Variants in AGPAT4 observed in about 807,000 individuals in gnomAD.
AGPAT4 encodes 1-acylglycerol-3-phosphate O-acyltransferase 4.
In AGPAT4, 15 loss-of-function variants were observed where a neutral mutation model predicts 48.0. The observed-to-expected ratio is 0.31, with a 90% CI of 0.21 to 0.48. AGPAT4 has a LOEUF of 0.48. Among genes scored for constraint, AGPAT4 ranks in the 20% least tolerant of loss-of-function variants. The probability of loss-of-function intolerance (pLI) is 0.99; values close to 1 mark genes in which losing one functional copy is unlikely to be tolerated. For missense variants in AGPAT4, 314 were observed against 482.5 expected, an observed-to-expected ratio of 0.65 and a Z score of 3.27; for synonymous variants, 178 against 198.7, an observed-to-expected ratio of 0.90 and a Z score of 0.88.
Position 161,222,141 on chromosome 6 carries a change from C to T in AGPAT4, c.178+9895G>A, listed in dbSNP as rs1352372062. ...GTCACCCCTGGTCTCAGGGCCTCTG[C>T]CACACCCAGCCTGGAAGATGCAGTC... On this transcript the variant is annotated intron_variant, in intron 2 of 8. Transcript: ENST00000320285. This position sits in a 1 kb window ranked among gnomAD's most constrained non-coding sequence, Gnocchi z 5.9. Among the ~76,000 whole-genome samples, 1 of 152,226 alleles carries T rather than the reference C, an allele frequency of 6.6e-6. No individual in the cohort carries two copies. Among genetic ancestry groups the T allele is most frequent in the African/African-American group, 2.4e-5 (1 of 41,458 alleles).
Position 161,234,064 on chromosome 6 carries a change from G to A in AGPAT4, c.-89-1762C>T, listed in dbSNP as rs904961202. Among the ~76,000 whole-genome samples, 4 of 152,122 alleles carry A rather than the reference G, an allele frequency of 2.6e-5. No homozygotes were observed. The highest frequency in any genetic ancestry group is 5.9e-5 in the Non-Finnish European group (4 of 68,030). ...GTGTTCTGCTCCTGAGATGTGAGGCGGGAGGTCTCTTGGGCTCACAACTCC... is the reference window on the plus strand; with the variant it reads ...GTGTTCTGCTCCTGAGATGTGAGGCAGGAGGTCTCTTGGGCTCACAACTCC... On this transcript the variant is annotated intron_variant, in intron 1 of 8. Transcript: ENST00000320285. The surrounding 1 kb of genome is among the most constrained non-coding windows in gnomAD (Gnocchi z 4.4).
At position 161,141,568 on chromosome 6, in the gene AGPAT4, T is replaced by A. The variant is rs1310081899; in HGVS notation, c.844-1948A>T. Reference sequence around the variant, plus strand: ...TGATAACTAGACAAGGGGGGTGATATTTTTGTGCCTTGTTTTTTTTTAAAA... The same window carrying A: ...TGATAACTAGACAAGGGGGGTGATAATTTTGTGCCTTGTTTTTTTTTAAAA... On this transcript the variant is annotated intron_variant, in intron 7 of 8. Coordinates refer to ENST00000320285, the MANE Select transcript of AGPAT4 (RefSeq NM_020133.3). This position sits in a 1 kb window ranked among gnomAD's most constrained non-coding sequence, Gnocchi z 6.7. Among the ~76,000 whole-genome samples the A allele has an allele frequency of 6.6e-6, 1 of 151,820 alleles. No homozygotes were observed. The highest frequency in any genetic ancestry group is 2.4e-5 in the African/African-American group (1 of 41,172).
chr6:161,207,677 T>C (rs1361213279), intron 2 of AGPAT4, among the ~76,000 whole-genome samples: 2 of 152,106 alleles, frequency 1.3e-5, no homozygotes, highest in African/African-American at 4.8e-5. Context: ...ATTAGTATGT[T>C]AGAAAGCGAT....
intron 2 of AGPAT4, among the ~76,000 whole-genome samples, chr6:161,190,206 A>G (rs538303772): frequency 6.6e-6 from 1 of 152,322 alleles, no homozygotes; most frequent in South Asian, 2.1e-4. Context: ...TCATGGGCAC[A>G]TGACATTATG....
In AGPAT4 at chr6:161,238,445, G is replaced by C. The variant is rs1197699133; in HGVS notation, c.-89-6143C>G. Reference sequence around the variant, plus strand: ...AGCCAATGAGATGGTCGTCAACTCAGTTTTCCTTCTCTACCTATCTAGATC... The same window carrying C: ...AGCCAATGAGATGGTCGTCAACTCACTTTTCCTTCTCTACCTATCTAGATC... On this transcript the variant is annotated intron_variant, in intron 1 of 8. Coordinates refer to ENST00000320285, the MANE Select transcript of AGPAT4 (RefSeq NM_020133.3). This position sits in a 1 kb window ranked among gnomAD's most constrained non-coding sequence, Gnocchi z 5.2. 1.3e-5 allele frequency among the ~76,000 whole-genome samples: 2 copies of C among 152,146 alleles called. No individual in the cohort carries two copies. Among genetic ancestry groups the C allele is most frequent in the African/African-American group, 2.4e-5 (1 of 41,426 alleles).
chr6:161,153,213 G>C (rs922336947), intron 5 of AGPAT4, 133 bp downstream of exon 5: 2 of 1,262,234 alleles, frequency 1.6e-6, no homozygotes, highest in Non-Finnish European at 2.2e-6. Context: ...GACTGGACTT[G>C]AGCAGCCACT....
rs1433460345 is a variant in AGPAT4, at chr6:161,143,616, A to G, written c.843+2908T>C. Among the ~76,000 whole-genome samples the G allele has an allele frequency of 6.6e-6, 1 of 152,346 alleles. No individual in the cohort carries two copies. Among genetic ancestry groups the G allele is most frequent in the East Asian group, 1.9e-4 (1 of 5,184 alleles). On this transcript the variant is annotated intron_variant, in intron 7 of 8. Transcript: ENST00000320285. The surrounding 1 kb of genome is among the most constrained non-coding windows in gnomAD (Gnocchi z 4.7). ...ACCTGGGAACTGCTTTTGTCCACAG[A>G]AGATCACACAAGGGCATGAATGGTT...
rs906449430 is a variant in AGPAT4 at position 161,259,227 on chromosome 6, A to G, written c.-90+14711T>C. Among the ~76,000 whole-genome samples the G allele has an allele frequency of 8.5e-5, 13 of 152,050 alleles. No individual in the cohort carries two copies. The highest frequency in any genetic ancestry group is 5.9e-4 in the Admixed American group (9 of 15,276). ...AACGTATCGATCACTTCCCATACTT[A>G]TTTTTCTTATGATGAGAAAGTTTAA... On this transcript the variant is annotated intron_variant, in intron 1 of 8. Coordinates refer to ENST00000320285, the MANE Select transcript of AGPAT4 (RefSeq NM_020133.3). This position sits in a 1 kb window ranked among gnomAD's most constrained non-coding sequence, Gnocchi z 4.9.
At chr6:161,167,143 G>A (rs1326577398) in intron 2 of AGPAT4, among the ~76,000 whole-genome samples, 1 of 152,198 alleles carries the variant, frequency 6.6e-6, no homozygotes, top group African/African-American at 2.4e-5. Context: ...ACAGTTGAAT[G>A]TGGGTGATGG....
chr6:161,192,497 C>T (rs1780955239), intron 2 of AGPAT4, among the ~76,000 whole-genome samples: 1 of 152,072 alleles, frequency 6.6e-6, no homozygotes, highest in African/African-American at 2.4e-5. Context: ...TTCCTAGTGC[C>T]TTTTATGTTA....
At chr6:161,248,769 C>T (rs1056496214) in intron 1 of AGPAT4, among the ~76,000 whole-genome samples, 3 of 152,108 alleles carry the variant, frequency 2.0e-5, no homozygotes, top group East Asian at 3.8e-4. Flanking sequence ...AGATTCAATG[C>T]TATTCCTATT....
In AGPAT4 at chr6:161,144,287, C is replaced by T. The variant is rs1406899201; in HGVS notation, c.843+2237G>A. ...CAGCCCTGCACGGAGAGAGAAAGGG[C>T]CTGGACTCCAGCACCTGGCTTTGAT... is the stretch of plus-strand genomic sequence containing the variant. On this transcript the variant is annotated intron_variant, in intron 7 of 8. Transcript: ENST00000320285. This position sits in a 1 kb window ranked among gnomAD's most constrained non-coding sequence, Gnocchi z 6.6. The T allele has an allele frequency of 2.1e-6, 1 of 468,156 alleles. No homozygotes were observed. Among genetic ancestry groups the T allele is most frequent in the Non-Finnish European group, 4.4e-6 (1 of 227,266 alleles). 29.0% of individuals were successfully genotyped at this position (468,156 alleles called of 1,614,324 possible).
In AGPAT4 at chr6:161,138,588, T is replaced by C. The variant is rs1779152813; in HGVS notation, c.1042+834A>G. On this transcript the variant is annotated intron_variant, in intron 8 of 8. Transcript: ENST00000320285. This position sits in a 1 kb window ranked among gnomAD's most constrained non-coding sequence, Gnocchi z 4.8. ...ACACTTTCCATTTTCTGCGCTTGTC[T>C]ATTGCTTGGGCCTTTTATAGTGAGC... 6.6e-6 allele frequency among the ~76,000 whole-genome samples: 1 copy of C among 152,188 alleles called. No individual in the cohort carries two copies. Among genetic ancestry groups the C allele is most frequent in the African/African-American group, 2.4e-5 (1 of 41,446 alleles).
intron 2 of AGPAT4, among the ~76,000 whole-genome samples, chr6:161,170,961 C>A (rs117299111): frequency 1.8e-4 from 27 of 152,300 alleles, no homozygotes; most frequent in African/African-American, 5.1e-4. Context: ...TGTCCCTGTA[C>A]GCTCACTCCA....
At chr6:161,241,974 C>G (rs1782506463) in intron 1 of AGPAT4, among the ~76,000 whole-genome samples, 1 of 152,160 alleles carries the variant, frequency 6.6e-6, no homozygotes, top group Non-Finnish European at 1.5e-5. Context: ...CTCAAGTGAT[C>G]CGCCTGCCTC....
chr6:161,255,836 C>T lies in AGPAT4; in HGVS notation c.-90+18102G>A, dbSNP rs543574384. On this transcript the variant is annotated intron_variant, in intron 1 of 8. Coordinates refer to ENST00000320285, the MANE Select transcript of AGPAT4 (RefSeq NM_020133.3). The surrounding 1 kb of genome is among the most constrained non-coding windows in gnomAD (Gnocchi z 4.7). ...ACCATGAATATACAAAAAGCCATTGCACTGCACACTTGCAATGGGTGAATT... is the reference window on the plus strand; with the variant it reads ...ACCATGAATATACAAAAAGCCATTGTACTGCACACTTGCAATGGGTGAATT... 6.6e-6 allele frequency among the ~76,000 whole-genome samples: 1 copy of T among 152,204 alleles called. No individual in the cohort carries two copies. Among genetic ancestry groups the T allele is most frequent in the African/African-American group, 2.4e-5 (1 of 41,528 alleles).
rs1001422 is a variant in AGPAT4 at position 161,147,322 on chromosome 6, A to G, written c.768-723T>C. Among the ~76,000 whole-genome samples, 47,988 of 152,024 alleles carry G rather than the reference A, an allele frequency of 0.32. 10,556 individuals are homozygous for G. Among genetic ancestry groups the G allele is most frequent in the African/African-American group, 0.63 (26,170 of 41,414 alleles). On this transcript the variant is annotated intron_variant, in intron 6 of 8. Coordinates refer to ENST00000320285, the MANE Select transcript of AGPAT4 (RefSeq NM_020133.3). The surrounding 1 kb of genome is among the most constrained non-coding windows in gnomAD (Gnocchi z 4.8). ...TTTGCAAAGAGCCCATACTGAACAC[A>G]GGGAGAAGTCACTCTGCCACCTTTG...
intron 2 of AGPAT4, among the ~76,000 whole-genome samples, chr6:161,179,389 T>A (rs1336263482): frequency 6.6e-6 from 1 of 152,124 alleles, no homozygotes; most frequent in Non-Finnish European, 1.5e-5. Context: ...AAAAGGAAGA[T>A]CAGAATATAC....
chr6:161,253,016 C>A (rs1056346228), intron 1 of AGPAT4, among the ~76,000 whole-genome samples: 2 of 151,558 alleles, frequency 1.3e-5, no homozygotes, highest in African/African-American at 4.8e-5. Context: ...GAGATCGAGA[C>A]CATCCTGGCC....
Sources: gnomAD v4.1 joint callset for allele counts (sites outside exome capture counted in the v4.1 genomes callset) on GRCh38, gnomAD v4.1.1 for gene constraint, Gnocchi (gnomAD v3.1) non-coding constraint, MANE v1.5 for transcripts, NCBI Gene and HGNC (gene_info 2026-07-23, HGNC 2026-07-21) for gene names.